SGCD: variants seen among roughly 807,000 people sequenced by gnomAD.
SGCD encodes the protein delta-sarcoglycan.
In SGCD, 18 loss-of-function variants were observed where a neutral mutation model predicts 36.6. The observed-to-expected ratio is 0.49, with a 90% CI of 0.34 to 0.73. The LOEUF is 0.73. Ranked by LOEUF, SGCD falls within the 30% of genes least tolerant of loss-of-function variation. The probability of loss-of-function intolerance (pLI) is 0.01; values close to 1 mark genes in which losing one functional copy is unlikely to be tolerated. For synonymous variants in SGCD, 133 were observed against 130.6 expected, an observed-to-expected ratio of 1.02 and a Z score of -0.12; for missense variants, 387 against 346.7, an observed-to-expected ratio of 1.12 and a Z score of -0.92.
At chr5:156,353,899 A>C (rs1285927174) in intron 3 of SGCD, among the ~76,000 whole-genome samples, 2 of 152,214 alleles carry the variant, frequency 1.3e-5, no homozygotes, top group Non-Finnish European at 2.9e-5. Flanking sequence ...CTTTGTGAGA[A>C]TGTAAAGCAT....
At chr5:156,092,527 T>C (rs1761269511) in intron 1 of SGCD, among the ~76,000 whole-genome samples, 2 of 152,224 alleles carry the variant, frequency 1.3e-5, no homozygotes, top group South Asian at 4.1e-4. Flanking sequence ...GTGCCAATTT[T>C]TGAACCCTTG....
chr5:155,735,193 C>T, the SGCD span, among the ~76,000 whole-genome samples: 2 of 152,156 alleles, frequency 1.3e-5, no homozygotes, highest in South Asian at 2.1e-4. Context: ...AGGTCTAATG[C>T]GTCCCTAGAG....
At chr5:156,589,359 G>A in intron 5 of SGCD, 41 bp downstream of exon 5, 1 of 1,138,094 alleles carries the variant, frequency 8.8e-7, no homozygotes, top group Non-Finnish European at 1.3e-6. Context: ...GCCCATGCGA[G>A]GCACTCAGAA....
At chr5:155,834,978 G>GC in the SGCD span, among the ~76,000 whole-genome samples, 2 of 142,748 alleles carry the variant, frequency 1.4e-5, no homozygotes. Flanking sequence ...TGGGATTAAA[G>GC]GCATGTGCCA....
intron 2 of SGCD, among the ~76,000 whole-genome samples, chr5:156,342,384 T>C (rs915621070): frequency 1.3e-5 from 2 of 152,242 alleles, no homozygotes; most frequent in South Asian, 4.1e-4. Flanking sequence ...CCTTTAGCCC[T>C]GCACAAGCAG....
intron 3 of SGCD, among the ~76,000 whole-genome samples, chr5:156,260,903 C>T (rs1182239151): frequency 1.3e-5 from 2 of 152,006 alleles, no homozygotes; most frequent in Non-Finnish European, 1.5e-5. Context: ...AATATTATGC[C>T]TTTCAAAGCA....
chr5:155,761,666 C>G, the SGCD span, among the ~76,000 whole-genome samples: 2,048 of 146,286 alleles, frequency 0.014, 72 homozygotes, highest in African/African-American at 0.051. Context: ...TCATCACTCT[C>G]TCCATCATCA....
intron 4 of SGCD, among the ~76,000 whole-genome samples, chr5:156,559,080 A>ATT: frequency 6.6e-6 from 1 of 152,300 alleles, no homozygotes; most frequent in South Asian, 2.1e-4. Context: ...CACTGGCTAA[A>ATT]TGACCTTATA....
chr5:156,330,090 C>T lies in SGCD; in HGVS notation c.3+511C>T, dbSNP rs139621432. 1.6e-3 allele frequency among the ~76,000 whole-genome samples: 245 copies of T among 151,174 alleles called. 2 individuals carry two copies. The highest frequency in any genetic ancestry group is 5.7e-3 in the African/African-American group (235 of 41,124). On this transcript the variant is annotated intron_variant, in intron 2 of 8. Coordinates refer to ENST00000337851, the MANE Select transcript of SGCD (RefSeq NM_000337.6). ...TTGGTTGTACATGTGTTGAGCTTCC[C>T]AAATCCAAAAATCTGAACTCTGAAA... is the stretch of plus-strand genomic sequence containing the variant.
At chr5:155,920,413 T>C (rs1472098485) in intron 1 of SGCD, among the ~76,000 whole-genome samples, 4 of 152,072 alleles carry the variant, frequency 2.6e-5, no homozygotes, top group Admixed American at 6.6e-5. Context: ...AGGGAGTTTA[T>C]AGGGGAGTAT....
intron 7 of SGCD, among the ~76,000 whole-genome samples, chr5:156,680,628 A>G (rs114811241): frequency 0.016 from 2,423 of 152,296 alleles, 58 homozygotes; most frequent in African/African-American, 0.055. Context: ...CGAACAAGCT[A>G]TGGTCCCACC....
chr5:156,247,943 T>A (rs1276757718), intron 3 of SGCD, among the ~76,000 whole-genome samples: 1 of 152,190 alleles, frequency 6.6e-6, no homozygotes, highest in Non-Finnish European at 1.5e-5. Flanking sequence ...AATTATAAAC[T>A]GAAGTAAACG....
chr5:156,399,113 T>C (rs1384817021), intron 3 of SGCD, among the ~76,000 whole-genome samples: 2 of 152,226 alleles, frequency 1.3e-5, no homozygotes, highest in East Asian at 3.8e-4. Context: ...TTACTATTAA[T>C]ACAGAGATAA....
intron 3 of SGCD, among the ~76,000 whole-genome samples, chr5:156,199,752 T>A (rs975234901): frequency 6.6e-6 from 1 of 152,138 alleles, no homozygotes; most frequent in African/African-American, 2.4e-5. Context: ...TTTCTCTCAA[T>A]TTTGCTGCAG....
At chr5:156,255,860 A>G (rs993592559) in intron 3 of SGCD, among the ~76,000 whole-genome samples, 1 of 152,036 alleles carries the variant, frequency 6.6e-6, no homozygotes, top group African/African-American at 2.4e-5. Context: ...TAGCTATATT[A>G]TATTTTTACC....
At chr5:155,871,723 G>A (rs533941666) in intron 1 of SGCD, among the ~76,000 whole-genome samples, 37 of 152,266 alleles carry the variant, frequency 2.4e-4, no homozygotes, top group Non-Finnish European at 4.7e-4. Context: ...AGGTAAATAA[G>A]TTATGATGGA....
intron 3 of SGCD, among the ~76,000 whole-genome samples, chr5:156,504,450 G>T (rs1305917654): frequency 6.9e-6 from 1 of 145,844 alleles, no homozygotes; most frequent in Admixed American, 6.9e-5. Flanking sequence ...ATATTAAACA[G>T]TTATTTTTCA....
intron 3 of SGCD, among the ~76,000 whole-genome samples, chr5:156,158,252 C>T (rs1763010714): frequency 1.3e-5 from 2 of 151,648 alleles, no homozygotes; most frequent in South Asian, 2.1e-4. Context: ...CCTCTTTTCT[C>T]TAAACTTCTG....
At chr5:156,090,865 C>T (rs896149976) in intron 1 of SGCD, among the ~76,000 whole-genome samples, 9 of 152,308 alleles carry the variant, frequency 5.9e-5, no homozygotes, top group Non-Finnish European at 8.8e-5. Context: ...CCTACTCACA[C>T]GTCTGTTTAT....
Sources: gnomAD v4.1 joint callset for allele counts (sites outside exome capture counted in the v4.1 genomes callset) on GRCh38, gnomAD v4.1.1 for gene constraint, MANE v1.5 for transcripts, NCBI Gene and HGNC (gene_info 2026-07-23, HGNC 2026-07-21) for gene names.